SNTB1: variants seen among roughly 807,000 people sequenced by gnomAD.
SNTB1 encodes the protein beta-1-syntrophin.
Under a neutral mutation model 48.9 loss-of-function variants are expected in SNTB1, and 36 were observed. The ratio of observed to expected loss-of-function variants is 0.74; its 90% CI spans 0.56 to 0.97. SNTB1 has a LOEUF of 0.97. SNTB1 is among the 50% of genes least tolerant of loss of function. The pLI is 0.00. For synonymous variants in SNTB1, 299 were observed against 294.6 expected, an observed-to-expected ratio of 1.01 and a Z score of -0.15; for missense variants, 786 against 703.4, an observed-to-expected ratio of 1.12 and a Z score of -1.33.
At chr8:120,599,197 A>C (rs1816380542) in intron 3 of SNTB1, among the ~76,000 whole-genome samples, 1 of 152,218 alleles carries the variant, frequency 6.6e-6, no homozygotes, top group Non-Finnish European at 1.5e-5. Flanking sequence ...GTCAAGATTT[A>C]AAGAGTGAGA....
intron 1 of SNTB1, among the ~76,000 whole-genome samples, chr8:120,741,282 C>T (rs776802523): frequency 4.6e-5 from 7 of 152,144 alleles, no homozygotes; most frequent in South Asian, 2.1e-4. Context: ...TCATGTTCTA[C>T]GAATTCAGAC....
intron 1 of SNTB1, among the ~76,000 whole-genome samples, chr8:120,789,840 C>G (rs556027161): frequency 2.0e-5 from 3 of 152,064 alleles, no homozygotes; most frequent in African/African-American, 4.8e-5. Flanking sequence ...TATAATGAAA[C>G]TATTCCAAAG....
At chr8:120,578,676 C>A (rs1174833781) in intron 3 of SNTB1, among the ~76,000 whole-genome samples, 1 of 152,142 alleles carries the variant, frequency 6.6e-6, no homozygotes, top group Non-Finnish European at 1.5e-5. Context: ...TGAGTTGTGT[C>A]CCTGTAATCA....
At chr8:120,790,267 C>T (rs1476488833) in intron 1 of SNTB1, among the ~76,000 whole-genome samples, 3 of 151,888 alleles carry the variant, frequency 2.0e-5, no homozygotes, top group Non-Finnish European at 4.4e-5. Context: ...ATGACAAACC[C>T]ATAGCCAACA....
chr8:120,779,966 C>A (rs1819805379), intron 1 of SNTB1, among the ~76,000 whole-genome samples: 1 of 151,606 alleles, frequency 6.6e-6, no homozygotes, highest in Non-Finnish European at 1.5e-5. Context: ...AGATATATTA[C>A]ATTGAGTAGA....
intron 2 of SNTB1, among the ~76,000 whole-genome samples, chr8:120,660,969 A>C (rs1817578679): frequency 1.3e-5 from 2 of 152,206 alleles, no homozygotes; most frequent in Admixed American, 1.3e-4. Flanking sequence ...GCATTCAGTT[A>C]TCTGACTTAC....
intron 4 of SNTB1, among the ~76,000 whole-genome samples, chr8:120,557,074 AG>A (rs1815577384): frequency 6.6e-6 from 1 of 152,272 alleles, no homozygotes; most frequent in African/African-American, 2.4e-5. Flanking sequence ...AGTATTCAAA[AG>A]AAATAGTCAT....
intron 5 of SNTB1, among the ~76,000 whole-genome samples, chr8:120,543,565 C>T (rs1815327636): frequency 1.3e-5 from 2 of 152,108 alleles, no homozygotes; most frequent in Admixed American, 1.3e-4. Context: ...TCCACTCTGT[C>T]CTGTGTCCCT....
intron 2 of SNTB1, chr8:120,635,781 G>C (rs1289871378): frequency 4.6e-6 from 1 of 217,774 alleles, no homozygotes; most frequent in Non-Finnish European, 1.0e-5. Context: ...AGTAGATTTT[G>C]ATGCCAGGGT....
In SNTB1 at chr8:120,669,747, C is replaced by T. The variant is rs1306366913; in HGVS notation, c.788+23945G>A. Among the ~76,000 whole-genome samples, 4 of 35,854 alleles carry T rather than the reference C, an allele frequency of 1.1e-4. 2 individuals are homozygous for T. Among genetic ancestry groups the T allele is most frequent in the Admixed American group, 5.0e-4 (2 of 4,016 alleles). 23.5% of individuals were successfully genotyped at this position (35,854 alleles called of 152,430 possible). A position where few individuals can be genotyped will look rare whatever the true frequency, so the allele number is the denominator to read the frequency against. ...GATTACAGGCGTGAGCCACCGCGCC[C>T]GGCCGAAAATGCTTGTTAAACTGTA... On this transcript the variant is annotated intron_variant, in intron 2 of 6. Coordinates refer to ENST00000517992, the MANE Select transcript of SNTB1 (RefSeq NM_021021.4).
At chr8:120,639,626 T>C (rs1817151929) in intron 2 of SNTB1, among the ~76,000 whole-genome samples, 1 of 152,246 alleles carries the variant, frequency 6.6e-6, no homozygotes, top group South Asian at 2.1e-4. Flanking sequence ...CACCATTTAT[T>C]AAATAGGGAA....
intron 1 of SNTB1, among the ~76,000 whole-genome samples, chr8:120,702,468 G>A (rs1247889144): frequency 3.3e-5 from 5 of 152,048 alleles, no homozygotes; most frequent in Admixed American, 2.6e-4. Flanking sequence ...TTTCCTCCAC[G>A]TGGAAACCTT....
intron 1 of SNTB1, among the ~76,000 whole-genome samples, chr8:120,781,341 T>A (rs1295818756): frequency 1.3e-5 from 2 of 152,242 alleles, no homozygotes; most frequent in African/African-American, 4.8e-5. Flanking sequence ...GACACTGTGC[T>A]TTGCATTATA....
intron 4 of SNTB1, among the ~76,000 whole-genome samples, chr8:120,572,377 C>G (rs1485424911): frequency 6.6e-6 from 1 of 152,118 alleles, no homozygotes; most frequent in Non-Finnish European, 1.5e-5. Context: ...AGGAAGGACA[C>G]AAATATGACT....
chr8:120,687,665 T>C (rs140543465), intron 2 of SNTB1, among the ~76,000 whole-genome samples: 20 of 152,346 alleles, frequency 1.3e-4, no homozygotes, highest in South Asian at 8.3e-4. Context: ...AAAGAGTGCA[T>C]CACTATTCTT....
At chr8:120,799,115 T>A (rs1043449280) in intron 1 of SNTB1, among the ~76,000 whole-genome samples, 1 of 152,056 alleles carries the variant, frequency 6.6e-6, no homozygotes, top group Admixed American at 6.6e-5. Context: ...TGGGACATGC[T>A]GAGCTCTAGA....
chr8:120,640,696 T>C (rs545324135), intron 2 of SNTB1, among the ~76,000 whole-genome samples: 1 of 152,236 alleles, frequency 6.6e-6, no homozygotes, highest in Non-Finnish European at 1.5e-5. Flanking sequence ...GATTTGCGTA[T>C]GTTGAACCAG....
At chr8:120,722,672 T>C (rs1008443993) in intron 1 of SNTB1, among the ~76,000 whole-genome samples, 1 of 152,150 alleles carries the variant, frequency 6.6e-6, no homozygotes, top group African/African-American at 2.4e-5. Context: ...ATTGCAAAAA[T>C]TTTCTCCCAT....
At chr8:120,581,406 C>T (rs1452501126) in intron 3 of SNTB1, among the ~76,000 whole-genome samples, 2 of 152,068 alleles carry the variant, frequency 1.3e-5, no homozygotes, top group Non-Finnish European at 2.9e-5. Context: ...GAGTTTGAGA[C>T]CAGCCTGGCC....
Sources: gnomAD v4.1 joint callset for allele counts (sites outside exome capture counted in the v4.1 genomes callset) on GRCh38, gnomAD v4.1.1 for gene constraint, MANE v1.5 for transcripts, NCBI Gene and HGNC (gene_info 2026-07-23, HGNC 2026-07-21) for gene names.